MEGF10: variants seen among roughly 807,000 people sequenced by gnomAD.
The protein encoded by MEGF10 is multiple EGF like domains 10.
MEGF10 carries 86 observed loss-of-function variants against 147.5 expected under a neutral mutation model. The ratio of observed to expected loss-of-function variants is 0.58; its 90% CI spans 0.49 to 0.70. The LOEUF is 0.70. Among genes scored for constraint, MEGF10 ranks in the 30% least tolerant of loss-of-function variants. MEGF10 has a pLI of 0.00. For missense variants in MEGF10, 1,329 were observed against 1,487.3 expected (o/e 0.89, Z 1.75); for synonymous variants, 478 against 525.5 (o/e 0.91, Z 1.24).
At chr5:127,286,361 C>G (rs1759028203), upstream of MEGF10, among the ~76,000 whole-genome samples, 1 of 151,878 alleles carries the variant, frequency 6.6e-6, no homozygotes, top group South Asian at 2.1e-4. Context: ...TGATGAATAC[C>G]CGAGATGCTC....
intron 8 of MEGF10, among the ~76,000 whole-genome samples, chr5:127,404,077 G>C (rs112001772): frequency 0.23 from 35,647 of 151,978 alleles, 4,808 homozygotes; most frequent in African/African-American, 0.38. Context: ...CAAGGGTTCC[G>C]TTTTCTCTGC....
intron 4 of MEGF10, among the ~76,000 whole-genome samples, chr5:127,357,184 C>T (rs1026167849): frequency 6.6e-6 from 1 of 152,154 alleles, no homozygotes; most frequent in Non-Finnish European, 1.5e-5. Context: ...TACTTCCTTA[C>T]CTTTGCTATG....
intron 4 of MEGF10, among the ~76,000 whole-genome samples, chr5:127,366,948 A>G (rs1762678549): frequency 6.6e-6 from 1 of 152,200 alleles, no homozygotes; most frequent in Non-Finnish European, 1.5e-5. Context: ...TCTGATTCTT[A>G]CTTCTCTGGA....
chr5:127,252,700 A>G, the MEGF10 span, among the ~76,000 whole-genome samples: 2 of 151,960 alleles, frequency 1.3e-5, no homozygotes, highest in African/African-American at 2.4e-5. Context: ...CTGCATTTTT[A>G]GTCTTTTCAA....
chr5:127,438,392 T>G, intron 16 of MEGF10, 47 bp from the exon 17 acceptor site: 1 of 1,602,918 alleles, frequency 6.2e-7, no homozygotes, highest in Middle Eastern at 1.7e-4. Flanking sequence ...CCCTACTTAG[T>G]ATTGGCCTCA....
At chr5:127,294,441 T>C (rs2126699714) in intron 1 of MEGF10, among the ~76,000 whole-genome samples, 1 of 152,252 alleles carries the variant, frequency 6.6e-6, no homozygotes, top group East Asian at 1.9e-4. Context: ...TGTATACATA[T>C]GGAGGGTGTG....
chr5:127,440,352 A>G (rs1420729192), intron 17 of MEGF10, among the ~76,000 whole-genome samples: 2 of 152,222 alleles, frequency 1.3e-5, no homozygotes, highest in African/African-American at 4.8e-5. Context: ...TAATTTTAAT[A>G]TAAAGTACCC....
intron 4 of MEGF10, among the ~76,000 whole-genome samples, chr5:127,362,860 C>G (rs1467778159): frequency 1.3e-5 from 2 of 151,940 alleles, no homozygotes; most frequent in Admixed American, 6.6e-5. Flanking sequence ...CTCTTTTATA[C>G]TTTTACTTTA....
In MEGF10 at chr5:127,307,375, G is replaced by T. The variant is rs931379348; in HGVS notation, c.-19+16319G>T. Among the ~76,000 whole-genome samples the T allele has an allele frequency of 3.3e-5, 5 of 152,320 alleles. No homozygotes were observed. In the East Asian group the frequency reaches 5.8e-4, roughly 18 times the overall value. On this transcript the variant is annotated intron_variant, in intron 1 of 24. Transcript: ENST00000503335. ...TGAGTGGTGAGAATGGGGTGGGCAG[G>T]GTTCATCACTGGCAAAAGCTATGGC...
chr5:127,378,963 A>G (rs2126880148), intron 5 of MEGF10, among the ~76,000 whole-genome samples: 1 of 151,616 alleles, frequency 6.6e-6, no homozygotes, highest in African/African-American at 2.4e-5. Context: ...AATACTAATG[A>G]TGTTTAAATT....
chr5:127,402,609 C>G lies in MEGF10; in HGVS notation c.844C>G (p.Gln282Glu). The change falls in exon 8 of 25, where the codon CAG (glutamine) becomes GAG (glutamate). Residue 282 changes from glutamine (Q) to glutamate (E), a missense_variant. Around this residue, in one of 3 missense-constraint regions of MEGF10, gnomAD observed 980 missense variants for 1,085.9 expected, o/e 0.90. Transcript: ENST00000503335. ...RFGKNCSQEC[Q>E]CHNGGTCDAA... Reference sequence around the variant, plus strand: ...TGGAAAGAACTGTTCCCAAGAATGCCAGTGCCATAATGGAGGGACGTGTGA... The same window carrying G: ...TGGAAAGAACTGTTCCCAAGAATGCGAGTGCCATAATGGAGGGACGTGTGA... 6.2e-7 allele frequency: 1 copy of G among 1,614,118 alleles called. No homozygotes were observed.
At chr5:127,240,033 C>T in the MEGF10 span, among the ~76,000 whole-genome samples, 2 of 152,150 alleles carry the variant, frequency 1.3e-5, no homozygotes, top group East Asian at 3.9e-4. Context: ...CTGCCTGAAA[C>T]CATTCAAAGT....
chr5:127,300,726 C>G (rs1440764655), intron 1 of MEGF10, among the ~76,000 whole-genome samples: 3 of 152,336 alleles, frequency 2.0e-5, no homozygotes, highest in East Asian at 1.9e-4. Context: ...CCTGGTGCAG[C>G]TGGGAGGGCC....
At chr5:127,306,129 T>A (rs1327347698) in intron 1 of MEGF10, among the ~76,000 whole-genome samples, 2 of 152,160 alleles carry the variant, frequency 1.3e-5, no homozygotes, top group African/African-American at 2.4e-5. Context: ...GGAAGACCAT[T>A]TTTCATTTCT....
chr5:127,429,474 A>G (rs1765325636), intron 13 of MEGF10, among the ~76,000 whole-genome samples: 3 of 152,220 alleles, frequency 2.0e-5, no homozygotes, highest in Admixed American at 6.5e-5. Context: ...TGAATATCAT[A>G]CAGGAAATAG....
In MEGF10 at chr5:127,396,583, A is replaced by C. The variant is rs1309488136; in HGVS notation, c.464A>C (p.Lys155Thr). The C allele has an allele frequency of 8.7e-6, 14 of 1,601,614 alleles. No individual in the cohort carries two copies. Among genetic ancestry groups the C allele is most frequent in the Non-Finnish European group, 1.2e-5 (14 of 1,171,680 alleles). Residue 155 changes from lysine to threonine, a missense_variant, in exon 6 of 25, where the codon AAA (lysine) becomes ACA (threonine). Transcript: ENST00000503335. ...CACTGCACCAGCCGGTGCCAGTGCA[A>C]AAATGGGGCTCTGTGCAACCCCATC... ...GPHCTSRCQCKNGALCNPITG... is the reference protein window; with the variant it reads ...GPHCTSRCQCTNGALCNPITG...
the MEGF10 span, among the ~76,000 whole-genome samples, chr5:127,270,392 A>C: frequency 6.6e-6 from 1 of 152,222 alleles, no homozygotes; most frequent in South Asian, 2.1e-4. Context: ...AGGAAGATCT[A>C]CCAAGCAAAC....
chr5:127,330,610 T>C (rs1761217112), intron 1 of MEGF10, among the ~76,000 whole-genome samples: 1 of 152,200 alleles, frequency 6.6e-6, no homozygotes, highest in Admixed American at 6.6e-5. Context: ...TTTCTATGTA[T>C]AATCTAGTTT....
the MEGF10 span, among the ~76,000 whole-genome samples, chr5:127,232,773 A>G: frequency 6.6e-6 from 1 of 152,112 alleles, no homozygotes; most frequent in African/African-American, 2.4e-5. Flanking sequence ...GGATGAATAC[A>G]AGCATTAAAT....
Sources: gnomAD v4.1 joint callset for allele counts (sites outside exome capture counted in the v4.1 genomes callset) on GRCh38, gnomAD v4.1.1 for gene constraint, gnomAD v4.1.1 regional missense constraint, MANE v1.5 for transcripts, NCBI Gene and HGNC (gene_info 2026-07-23, HGNC 2026-07-21) for gene names.